Variants in CDH4 observed in about 807,000 individuals in gnomAD.
The protein encoded by CDH4 is cadherin-4.
A neutral mutation model predicts 86.0 loss-of-function variants in CDH4; 33 were observed. That is an observed-to-expected ratio of 0.38 (90% CI 0.29 to 0.51). The LOEUF is 0.51. CDH4 is among the 20% of genes least tolerant of loss of function. The probability of loss-of-function intolerance (pLI) is 0.86; values close to 1 mark genes in which losing one functional copy is unlikely to be tolerated. For missense variants in CDH4, 1,114 were observed against 1,307.4 expected (o/e 0.85, Z 2.28); for synonymous variants, 555 against 549.4 (o/e 1.01, Z -0.14).
intron 2 of CDH4, among the ~76,000 whole-genome samples, chr20:61,573,583 G>A (rs945968420): frequency 2.6e-5 from 4 of 152,122 alleles, no homozygotes; most frequent in Non-Finnish European, 5.9e-5. Context: ...TGACCAGCGT[G>A]GGCACCCCAG....
chr20:61,672,630 G>A (rs2087403085), intron 2 of CDH4, among the ~76,000 whole-genome samples: 1 of 152,182 alleles, frequency 6.6e-6, no homozygotes, highest in South Asian at 2.1e-4. Context: ...ACCACGGGAG[G>A]GGCAGCAAGT....
intron 2 of CDH4, among the ~76,000 whole-genome samples, chr20:61,325,492 C>G (rs138631394): frequency 4.0e-5 from 6 of 149,878 alleles, no homozygotes; most frequent in African/African-American, 1.2e-4. Flanking sequence ...GATGTCAGAA[C>G]GGGAGGGGTG....
intron 2 of CDH4, among the ~76,000 whole-genome samples, chr20:61,358,827 A>C (rs1431389158): frequency 6.6e-6 from 1 of 152,186 alleles, no homozygotes; most frequent in Non-Finnish European, 1.5e-5. Flanking sequence ...GGAGACCTGC[A>C]TGAGCCACGG....
chr20:61,686,452 CGTGT>C (rs144237468), intron 2 of CDH4, among the ~76,000 whole-genome samples: 4 of 146,412 alleles, frequency 2.7e-5, no homozygotes, highest in African/African-American at 1.0e-4. Context: ...CGTGTGCATT[CGTGT>C]GTGTGCATTT....
intron 2 of CDH4, among the ~76,000 whole-genome samples, chr20:61,428,440 G>A (rs1044634053): frequency 7.9e-5 from 12 of 152,144 alleles, no homozygotes; most frequent in African/African-American, 1.4e-4. Context: ...GAATGTTTAC[G>A]GCAACATCAT....
chr20:61,433,939 T>C (rs2246588), intron 2 of CDH4, among the ~76,000 whole-genome samples: 72,064 of 152,094 alleles, frequency 0.47, 18,801 homozygotes, highest in African/African-American at 0.7. Flanking sequence ...AAAGCCAGCT[T>C]ACATAGACCC....
At chr20:61,801,491 T>A (rs1979827476) in intron 4 of CDH4, among the ~76,000 whole-genome samples, 7 of 152,192 alleles carry the variant, frequency 4.6e-5, no homozygotes, top group Admixed American at 4.6e-4. Flanking sequence ...CTGTGTGAGT[T>A]GCCGGGAGCT....
rs139627661 is a variant in CDH4 at position 61,676,343 on chromosome 20, G to A, written c.170-67220G>A. Among the ~76,000 whole-genome samples, 2 of 152,336 alleles carry A rather than the reference G, an allele frequency of 1.3e-5. No homozygotes were observed. The highest frequency in any genetic ancestry group is 4.8e-5 in the African/African-American group (2 of 41,582). On this transcript the variant is annotated intron_variant, in intron 2 of 15. Transcript: ENST00000614565. The surrounding 1 kb of genome is among the most constrained non-coding windows in gnomAD (Gnocchi z 4.5). ...TTGAATACTGCGGCCCCCAGAGGAG[G>A]TGGGATTGCATTAGCACCTTCTTTC... is the stretch of plus-strand genomic sequence containing the variant.
chr20:61,758,036 G>A (rs1056003991), intron 3 of CDH4, among the ~76,000 whole-genome samples: 20 of 152,202 alleles, frequency 1.3e-4, no homozygotes, highest in Admixed American at 7.2e-4. Context: ...TGTGGTCCCC[G>A]CCCTCACCGA....
chr20:61,681,242 A>G lies in CDH4; in HGVS notation c.170-62321A>G, dbSNP rs1568752365. 6.6e-6 allele frequency among the ~76,000 whole-genome samples: 1 copy of G among 152,148 alleles called. No homozygotes were observed. The highest frequency in any genetic ancestry group is 1.5e-5 in the Non-Finnish European group (1 of 68,028). ...TTTGAGGCATAATTTGCTGTGAATT[A>G]CCTACAAATTGTATACAGTGCTTTA... is the stretch of plus-strand genomic sequence containing the variant. On this transcript the variant is annotated intron_variant, in intron 2 of 15. Transcript: ENST00000614565. This position sits in a 1 kb window ranked among gnomAD's most constrained non-coding sequence, Gnocchi z 4.5.
Position 61,829,803 on chromosome 20 carries a change from G to A in CDH4, c.577-14865G>A, listed in dbSNP as rs1176611119. ...TGATGGCTCTGCCCCCAGGGAGTCT[G>A]TGCAGCCCTCCTCCAGACCCCAGTC... On this transcript the variant is annotated intron_variant, in intron 4 of 15. Coordinates refer to ENST00000614565, the MANE Select transcript of CDH4 (RefSeq NM_001794.5). The surrounding 1 kb of genome is among the most constrained non-coding windows in gnomAD (Gnocchi z 4.2). Among the ~76,000 whole-genome samples the A allele has an allele frequency of 6.6e-6, 1 of 152,076 alleles. No individual in the cohort carries two copies. Among genetic ancestry groups the A allele is most frequent in the Non-Finnish European group, 1.5e-5 (1 of 67,976 alleles).
chr20:61,777,705 C>T lies in CDH4; in HGVS notation c.576+4523C>T, dbSNP rs1459617346. Among the ~76,000 whole-genome samples the T allele has an allele frequency of 3.4e-5, 5 of 146,876 alleles. 1 individual carries two copies. Among genetic ancestry groups the T allele is most frequent in the Non-Finnish European group, 6.0e-5 (4 of 66,520 alleles). ...ACGCGCACACACGTGCATACAAAAA[C>T]ACACACCCACATGCGTGCACACGTG... On this transcript the variant is annotated intron_variant, in intron 4 of 15. Transcript: ENST00000614565.
chr20:61,860,461 G>C (rs750252220), intron 6 of CDH4, among the ~76,000 whole-genome samples: 1 of 152,220 alleles, frequency 6.6e-6, no homozygotes, highest in African/African-American at 2.4e-5. Flanking sequence ...GCCAACCATG[G>C]CCATGCCTGA....
At chr20:61,772,885 C>T in intron 3 of CDH4, 118 bp from the exon 4 acceptor site, 4 of 800,120 alleles carry the variant, frequency 5.0e-6, no homozygotes, top group Non-Finnish European at 7.4e-6. Context: ...CTTGTCCCAG[C>T]GTTACCCGCC....
At chr20:61,422,359 G>T (rs779657171) in intron 2 of CDH4, among the ~76,000 whole-genome samples, 13 of 135,636 alleles carry the variant, frequency 9.6e-5, no homozygotes, top group Non-Finnish European at 1.8e-4. Context: ...GGGTGGCAGA[G>T]GTTGCAGTGA....
intron 2 of CDH4, among the ~76,000 whole-genome samples, chr20:61,400,489 G>A (rs986997465): frequency 6.6e-6 from 1 of 152,174 alleles, no homozygotes; most frequent in Non-Finnish European, 1.5e-5. Flanking sequence ...GCTTTGATAA[G>A]AGACATCCCC....
intron 2 of CDH4, among the ~76,000 whole-genome samples, chr20:61,440,684 G>C (rs996065928): frequency 1.3e-5 from 2 of 152,188 alleles, no homozygotes; most frequent in Admixed American, 6.5e-5. Context: ...CCTGAGATGT[G>C]AATCCGGGGA....
At chr20:61,452,343 T>C (rs1301409536) in intron 2 of CDH4, among the ~76,000 whole-genome samples, 1 of 152,136 alleles carries the variant, frequency 6.6e-6, no homozygotes, top group Non-Finnish European at 1.5e-5. Flanking sequence ...TTACACTGCT[T>C]GATAGAGAAG....
intron 4 of CDH4, among the ~76,000 whole-genome samples, chr20:61,790,182 TCCATCCATCCACTCAACCATCCAC>T (rs1301961365): frequency 1.3e-5 from 2 of 151,780 alleles, no homozygotes; most frequent in South Asian, 4.2e-4. Context: ...CATCCATTCA[TCCATCCATCCACTCAACCATCCAC>T]CCATCCATCC....
Sources: allele counts gnomAD v4.1 joint callset (sites outside exome capture counted in the v4.1 genomes callset), GRCh38; gene constraint gnomAD v4.1.1; non-coding constraint Gnocchi (gnomAD v3.1); transcripts MANE v1.5; gene names NCBI Gene and HGNC (gene_info 2026-07-23, HGNC 2026-07-21).